The following ASTN2 variants were observed in gnomAD, a reference collection of about 807,000 sequenced individuals.
ASTN2 encodes the protein astrotactin-2.
Under a neutral mutation model 139.8 loss-of-function variants are expected in ASTN2, and 54 were observed. That is an observed-to-expected ratio of 0.39 (90% CI 0.31 to 0.48). ASTN2 has a LOEUF of 0.48. Among genes scored for constraint, ASTN2 ranks in the 20% least tolerant of loss-of-function variants. The pLI is 0.95. For synonymous variants in ASTN2, 756 were observed against 719.5 expected (o/e 1.05, Z -0.81); for missense variants, 1,565 against 1,725.1 (o/e 0.91, Z 1.64).
chr9:117,242,004 C>CTTT (rs10579284), intron 2 of ASTN2, among the ~76,000 whole-genome samples: 1 of 42,478 alleles, frequency 2.4e-5, no homozygotes, highest in African/African-American at 9.0e-5. Flanking sequence ...TTTGGCAAGT[C>CTTT]TTTTTTTTTT....
intron 1 of ASTN2, among the ~76,000 whole-genome samples, chr9:117,292,190 G>C (rs1242238878): frequency 1.3e-5 from 2 of 152,140 alleles, no homozygotes; most frequent in Non-Finnish European, 2.9e-5. Context: ...TTCTCATATA[G>C]CCAGTGAGGA....
At chr9:117,254,497 A>T (rs1364547236) in intron 2 of ASTN2, among the ~76,000 whole-genome samples, 1 of 152,190 alleles carries the variant, frequency 6.6e-6, no homozygotes, top group African/African-American at 2.4e-5. Flanking sequence ...CCAGGGTTAG[A>T]CAATGGTGAG....
intron 22 of ASTN2, among the ~76,000 whole-genome samples, chr9:116,436,027 G>C (rs113271651): frequency 8.7e-4 from 132 of 152,274 alleles, no homozygotes; most frequent in African/African-American, 3.1e-3. Context: ...CGCAATTGCT[G>C]GCTGACCAGT....
intron 19 of ASTN2, among the ~76,000 whole-genome samples, chr9:116,531,597 T>C (rs1034511983): frequency 1.3e-5 from 2 of 148,354 alleles, no homozygotes; most frequent in African/African-American, 2.5e-5. Flanking sequence ...TTCCCATCTA[T>C]GAGTGAGAAC....
At chr9:116,864,674 T>C (rs1326697599) in intron 10 of ASTN2, among the ~76,000 whole-genome samples, 7 of 152,184 alleles carry the variant, frequency 4.6e-5, no homozygotes, top group Non-Finnish European at 1.0e-4. Context: ...TATCCTTCCC[T>C]GGTCTGTGCC....
intron 6 of ASTN2, among the ~76,000 whole-genome samples, chr9:117,029,264 G>A (rs1418665802): frequency 1.3e-5 from 2 of 152,254 alleles, no homozygotes; most frequent in African/African-American, 2.4e-5. Context: ...CAACTCTTCC[G>A]TAAACATTTC....
intron 7 of ASTN2, among the ~76,000 whole-genome samples, chr9:116,994,405 C>T (rs1348013607): frequency 6.6e-6 from 1 of 152,196 alleles, no homozygotes; most frequent in Non-Finnish European, 1.5e-5. Context: ...AATATCAGTA[C>T]ATAAACACAG....
intron 17 of ASTN2, among the ~76,000 whole-genome samples, chr9:116,647,975 C>T (rs1202145033): frequency 2.6e-5 from 4 of 151,604 alleles, no homozygotes; most frequent in African/African-American, 7.3e-5. Context: ...GACAGGTGTG[C>T]ACCACCACAC....
At chr9:116,678,514 C>T (rs57297769) in intron 16 of ASTN2, among the ~76,000 whole-genome samples, 21,699 of 151,930 alleles carry the variant, frequency 0.14, 1,637 homozygotes, top group Middle Eastern at 0.2. Context: ...CATGGAGATA[C>T]GGCTTTTGTT....
intron 3 of ASTN2, among the ~76,000 whole-genome samples, chr9:117,189,723 G>T (rs1157030523): frequency 1.3e-5 from 2 of 152,252 alleles, no homozygotes; most frequent in East Asian, 3.9e-4. Flanking sequence ...CAAGAGTTGG[G>T]CATCTTAACT....
chr9:116,665,151 T>C (rs767384130), intron 16 of ASTN2, among the ~76,000 whole-genome samples: 20 of 152,212 alleles, frequency 1.3e-4, no homozygotes, highest in Non-Finnish European at 2.1e-4. Flanking sequence ...CAGATGCTGG[T>C]GCCATGCTTG....
At chr9:117,064,689 T>C (rs999412027) in intron 5 of ASTN2, among the ~76,000 whole-genome samples, 1 of 152,076 alleles carries the variant, frequency 6.6e-6, no homozygotes, top group Non-Finnish European at 1.5e-5. Context: ...AGAAATTACA[T>C]GTTGGGTACA....
intron 20 of ASTN2, among the ~76,000 whole-genome samples, chr9:116,473,046 T>C (rs1215976097): frequency 6.6e-6 from 1 of 152,122 alleles, no homozygotes; most frequent in African/African-American, 2.4e-5. Flanking sequence ...AGTATCTACC[T>C]TAGAGGGTAC....
intron 19 of ASTN2, among the ~76,000 whole-genome samples, chr9:116,563,104 G>A (rs529301171): frequency 3.9e-5 from 6 of 152,056 alleles, no homozygotes; most frequent in East Asian, 3.9e-4. Flanking sequence ...GGCTGGGTGC[G>A]GTGGCTCACA....
intron 10 of ASTN2, among the ~76,000 whole-genome samples, chr9:116,964,266 C>T (rs112692287): frequency 7.8e-5 from 10 of 128,892 alleles, no homozygotes; most frequent in East Asian, 2.1e-4. Context: ...TGCGCGCGCG[C>T]GCGTGTGTGT....
chr9:117,007,856 G>T (rs1322807478), intron 7 of ASTN2, among the ~76,000 whole-genome samples: 2 of 152,106 alleles, frequency 1.3e-5, no homozygotes, highest in Admixed American at 1.3e-4. Context: ...TCTGGAGCTA[G>T]GCCAGATGTT....
rs77717197 is a variant in ASTN2 at position 117,146,389 on chromosome 9, A to C, written c.1016-4911T>G. On this transcript the variant is annotated intron_variant, in intron 3 of 22. Coordinates refer to ENST00000313400, the MANE Select transcript of ASTN2 (RefSeq NM_001365068.1). ...TTGTCAAGCTTAATGGTAATAAACC[A>C]CTGGGGCCTGAGGAAGAAAGCCCTG... Among the ~76,000 whole-genome samples, 541 of 151,754 alleles carry C rather than the reference A, an allele frequency of 3.6e-3. 14 individuals carry two copies. The East Asian group carries it at 0.064, about 18-fold the overall frequency.
At chr9:117,191,760 G>C (rs1248158027) in intron 3 of ASTN2, among the ~76,000 whole-genome samples, 4 of 152,322 alleles carry the variant, frequency 2.6e-5, no homozygotes, top group Admixed American at 2.6e-4. Flanking sequence ...ATCAATCAGA[G>C]AACAGTCGCT....
intron 20 of ASTN2, among the ~76,000 whole-genome samples, chr9:116,482,884 G>A (rs1849219711): frequency 6.6e-6 from 1 of 152,238 alleles, no homozygotes; most frequent in African/African-American, 2.4e-5. Flanking sequence ...GAATGTGTGG[G>A]AATGCATCCC....
Sources: allele counts gnomAD v4.1 joint callset (sites outside exome capture counted in the v4.1 genomes callset), GRCh38; gene constraint gnomAD v4.1.1; transcripts MANE v1.5; gene names NCBI Gene and HGNC (gene_info 2026-07-23, HGNC 2026-07-21).